CD55: variants seen among roughly 807,000 people sequenced by gnomAD.
CD55 encodes CD55 molecule (Cromer blood group), also known as complement decay-accelerating factor.
CD55 carries 41 observed loss-of-function variants against 45.8 expected under a neutral mutation model. That is an observed-to-expected ratio of 0.90 (90% CI 0.70 to 1.16). The LOEUF (loss-of-function observed/expected upper bound fraction) is 1.16. CD55 is among the 50% of genes most tolerant of loss of function. CD55 has a pLI of 0.00. For synonymous variants in CD55, 181 were observed against 181.1 expected (o/e 1.00, Z 0.01); for missense variants, 416 against 469.8 (o/e 0.89, Z 1.06).
intron 8 of CD55, among the ~76,000 whole-genome samples, chr1:207,338,867 C>T (rs1465058285): frequency 6.6e-6 from 1 of 152,168 alleles, no homozygotes; most frequent in Non-Finnish European, 1.5e-5. Context: ...TCAATGTGTT[C>T]ACCTCGCTTA....
At chr1:207,323,294 G>T (rs944555119) in intron 2 of CD55, among the ~76,000 whole-genome samples, 1 of 151,398 alleles carries the variant, frequency 6.6e-6, no homozygotes, top group Admixed American at 6.6e-5. Flanking sequence ...TAGGGAGAGA[G>T]ATATATATAG....
chr1:207,346,201 G>T (rs1355761024), intron 9 of CD55, among the ~76,000 whole-genome samples: 3 of 152,256 alleles, frequency 2.0e-5, no homozygotes, highest in African/African-American at 4.8e-5. Flanking sequence ...CGGTGATTGG[G>T]TGGATCAGTT....
At chr1:207,338,862 G>A (rs1045347223) in intron 8 of CD55, among the ~76,000 whole-genome samples, 11 of 152,148 alleles carry the variant, frequency 7.2e-5, no homozygotes, top group African/African-American at 1.9e-4. Context: ...TTGAGTCAAT[G>A]TGTTCACCTC....
intron 9 of CD55, among the ~76,000 whole-genome samples, chr1:207,349,096 C>G (rs937501007): frequency 6.6e-6 from 1 of 151,730 alleles, no homozygotes; most frequent in African/African-American, 2.4e-5. Flanking sequence ...TTTTAATTCT[C>G]TGAAAGATAT....
intron 1 of CD55, 97 bp downstream of exon 1, chr1:207,321,962 G>C (rs1176487956): frequency 5.8e-6 from 5 of 857,550 alleles, no homozygotes; most frequent in Admixed American, 2.9e-5. Flanking sequence ...CTTGGCAGGT[G>C]GGGAGCTTGG....
At chr1:207,344,513 G>C (rs1199030925) in intron 9 of CD55, among the ~76,000 whole-genome samples, 2 of 151,972 alleles carry the variant, frequency 1.3e-5, no homozygotes, top group East Asian at 3.9e-4. Context: ...CCTAATCCTT[G>C]GTTGGTAGTC....
At chr1:207,354,586 AATT>A (rs1047974365) in intron 9 of CD55, among the ~76,000 whole-genome samples, 2 of 152,188 alleles carry the variant, frequency 1.3e-5, no homozygotes, top group African/African-American at 2.4e-5. Flanking sequence ...TTGGAATCAT[AATT>A]ATTATTTCAT....
At chr1:207,349,990 T>C in intron 9 of CD55, 1 of 392,258 alleles carries the variant, frequency 2.5e-6, no homozygotes, top group South Asian at 1.9e-5. Context: ...ATGTTGGCTG[T>C]GGGTTTTTCC....
chr1:207,354,627 A>T (rs1385378864), intron 9 of CD55, among the ~76,000 whole-genome samples: 1 of 152,172 alleles, frequency 6.6e-6, no homozygotes, highest in Non-Finnish European at 1.5e-5. Context: ...CATTTTTCCC[A>T]AGTTGTATAA....
intron 6 of CD55, among the ~76,000 whole-genome samples, chr1:207,334,753 C>CAA (rs28738985): frequency 0.69 from 105,205 of 151,582 alleles, 36,916 homozygotes; most frequent in Middle Eastern, 0.83. Context: ...CAAAAGAGAA[C>CAA]GAGAGAGAGA....
In CD55 at chr1:207,332,039, A is replaced by T. The variant is rs147799961; in HGVS notation, c.853+743A>T. 5.5e-3 allele frequency among the ~76,000 whole-genome samples: 838 copies of T among 152,144 alleles called. 8 individuals carry two copies. Among genetic ancestry groups the T allele is most frequent in the African/African-American group, 0.018 (760 of 41,562 alleles). On this transcript the variant is annotated intron_variant, in intron 6 of 9. Coordinates refer to ENST00000367064, the MANE Select transcript of CD55 (RefSeq NM_000574.5). ...TTTTAAAAATTCCTTATTAAAATAG[A>T]TTTTTATTATAAGTGTTATACATAG...
chr1:207,352,786 C>T (rs1051810604), intron 9 of CD55, among the ~76,000 whole-genome samples: 2 of 152,068 alleles, frequency 1.3e-5, no homozygotes, highest in African/African-American at 4.8e-5. Context: ...ATAATTTCAT[C>T]ACTCCCTCTG....
rs1030643524 is a variant in CD55 at position 207,360,063 on chromosome 1, A to T, written c.*453A>T. The T allele has an allele frequency of 1.3e-5, 2 of 152,548 alleles. No homozygotes were observed. The highest frequency in any genetic ancestry group is 3.8e-4 in the East Asian group (2 of 5,216). 9.4% of individuals were successfully genotyped at this position (152,548 alleles called of 1,614,324 possible). On this transcript the variant is annotated 3_prime_UTR_variant, in exon 10 of 10. Coordinates refer to ENST00000367064, the MANE Select transcript of CD55 (RefSeq NM_000574.5). Reference sequence around the variant, plus strand: ...AAGCAAAATTGCTAAAGAGAGATGAACCACATTATAAAGTAATCTTTGGCT... The same window carrying T: ...AAGCAAAATTGCTAAAGAGAGATGATCCACATTATAAAGTAATCTTTGGCT...
At chr1:207,327,784 TA>T (rs1654753574) in intron 5 of CD55, among the ~76,000 whole-genome samples, 1 of 152,128 alleles carries the variant, frequency 6.6e-6, no homozygotes, top group African/African-American at 2.4e-5. Flanking sequence ...CGAAGACAAA[TA>T]AAATGAAGCC....
At position 207,322,565 on chromosome 1, in the gene CD55, A is replaced by T. The variant is rs766996458; in HGVS notation, c.284A>T (p.Asn95Ile). ...TGGTCAGATATTGAAGAGTTCTGCA[A>T]TCGTAAGTTCTTCATCTTTTTAGAA... ...SQWSDIEEFC[N>I]RSCEVPTRLN... is the part of the protein sequence containing the mutation. The change falls in exon 2 of 10, where the codon AAT becomes ATT. Residue 95 changes from asparagine (N) to isoleucine (I), a missense_variant and splice_region_variant. This residue lies in a region of CD55 where 111 missense variants were observed against 163.4 expected (regional missense o/e 0.68). Coordinates refer to ENST00000367064, the MANE Select transcript of CD55 (RefSeq NM_000574.5). 6.3e-7 allele frequency: 1 copy of T among 1,594,786 alleles called. No individual in the cohort carries two copies. The highest frequency in any genetic ancestry group is 1.4e-5 in the African/African-American group (1 of 73,638).
chr1:207,358,878 T>C (rs1215526779), intron 9 of CD55, among the ~76,000 whole-genome samples: 1 of 152,222 alleles, frequency 6.6e-6, no homozygotes, highest in African/African-American at 2.4e-5. Context: ...AACGATTAGA[T>C]GCTATAATGC....
intron 9 of CD55, among the ~76,000 whole-genome samples, chr1:207,351,933 T>TAAACCTGAAA (rs1285534559): frequency 6.6e-6 from 1 of 152,166 alleles, no homozygotes; most frequent in Non-Finnish European, 1.5e-5. Flanking sequence ...GTGTGTGATT[T>TAAACCTGAAA]CATATTTGTA....
At chr1:207,337,043 C>T (rs549737009) in intron 7 of CD55, 4 of 620,500 alleles carry the variant, frequency 6.4e-6, no homozygotes, top group South Asian at 4.0e-5. Flanking sequence ...CCTACCAACT[C>T]TTCAGAAACC....
rs1301260588 is a variant in CD55 at position 207,326,804 on chromosome 1, G to A, written c.631G>A (p.Val211Ile). Reference sequence around the variant, plus strand: ...TTTTTGTCTTATTTCAGGCAGCTCTGTCCAGTGGAGTGACCCGTTGCCAGA... The same window carrying A: ...TTTTTGTCTTATTTCAGGCAGCTCTATCCAGTGGAGTGACCCGTTGCCAGA... ...SSFCLISGSS[V>I]QWSDPLPECR... Residue 211 changes from valine to isoleucine, a missense_variant, in exon 5 of 10, where the codon GTC becomes ATC. By Grantham distance (29) the Val-to-Ile change is conservative (BLOSUM62 3). Transcript: ENST00000367064. The A allele has an allele frequency of 6.2e-7, 1 of 1,613,864 alleles. No individual in the cohort carries two copies.
Sources: gnomAD v4.1 joint callset for allele counts (sites outside exome capture counted in the v4.1 genomes callset) on GRCh38, gnomAD v4.1.1 for gene constraint, gnomAD v4.1.1 regional missense constraint, MANE v1.5 for transcripts, NCBI Gene and HGNC (gene_info 2026-07-23, HGNC 2026-07-21) for gene names.